The following PHEX variants were observed in gnomAD, a reference collection of about 807,000 sequenced individuals.
PHEX encodes phosphate-regulating neutral endopeptidase PHEX.
Under a neutral mutation model 68.0 loss-of-function variants are expected in PHEX, and 16 were observed. The observed-to-expected ratio is 0.24, with a 90% CI of 0.16 to 0.36. PHEX has a LOEUF of 0.36. Among genes scored for constraint, PHEX ranks in the 10% least tolerant of loss-of-function variants. The probability of loss-of-function intolerance (pLI) is 1.00; values close to 1 mark genes in which losing one functional copy is unlikely to be tolerated. For synonymous variants in PHEX, 208 were observed against 205.1 expected (o/e 1.01, Z -0.12); for missense variants, 480 against 575.5 (o/e 0.83, Z 1.70).
intron 3 of PHEX, among the ~76,000 whole-genome samples, chrX:22,074,377 A>G (rs754686280): frequency 9.1e-6 from 1 of 110,160 alleles, no homozygotes; most frequent in Non-Finnish European, 1.9e-5. Flanking sequence ...TACAGAAACC[A>G]GAATTTTGAC....
chrX:22,153,634 A>C (rs1250728436), intron 12 of PHEX, among the ~76,000 whole-genome samples: 1 of 111,428 alleles, frequency 9.0e-6, no homozygotes, highest in Non-Finnish European at 1.9e-5. Context: ...ACTTGGAAAT[A>C]AAATCTGCAA....
intron 14 of PHEX, among the ~76,000 whole-genome samples, chrX:22,190,187 T>C (rs778654184): frequency 8.9e-6 from 1 of 112,496 alleles, no homozygotes; most frequent in Non-Finnish European, 1.9e-5. Context: ...GTGTGCTGAC[T>C]TTTTTTCTGT....
chrX:22,149,982 C>T (rs777766714), intron 12 of PHEX, among the ~76,000 whole-genome samples: 19 of 111,137 alleles, frequency 1.7e-4, no homozygotes, highest in Non-Finnish European at 3.2e-4. Context: ...TCCCCAAGCC[C>T]CCCTCATCAC....
chrX:22,074,783 T>C (rs749315232), intron 3 of PHEX, among the ~76,000 whole-genome samples: 1 of 111,720 alleles, frequency 9.0e-6, no homozygotes, highest in Non-Finnish European at 1.9e-5. Context: ...TAAAAAATCC[T>C]TGGGGACCTG....
In PHEX at chrX:22,032,983, G is replaced by A. The variant is rs758504261; in HGVS notation, c.-23G>A. On this transcript the variant is annotated 5_prime_UTR_variant, in exon 1 of 22. In the 5' UTR this introduces an upstream ATG that the reference lacks. Transcript: ENST00000379374. ...AACCACGAAAAGTGACTTTCTTCTCGTGTGCTCTCTACGGCCCTTCTGATG... is the reference window on the plus strand; with the variant it reads ...AACCACGAAAAGTGACTTTCTTCTCATGTGCTCTCTACGGCCCTTCTGATG... 2.7e-6 allele frequency: 3 copies of A among 1,129,213 alleles called. No homozygotes were observed. The highest frequency in any genetic ancestry group is 3.6e-5 in the South Asian group (2 of 55,201). The allele number at this position is 1,129,213 out of a possible 1,213,427, so 93.1% of individuals were successfully genotyped here.
At chrX:22,083,654 G>T (rs764598829) in intron 5 of PHEX, among the ~76,000 whole-genome samples, 1 of 111,545 alleles carries the variant, frequency 9.0e-6, no homozygotes, top group Admixed American at 9.5e-5. Context: ...CAGATTATTT[G>T]CTTTTGGTGT....
chrX:22,062,797 G>A (rs934013653), intron 3 of PHEX, among the ~76,000 whole-genome samples: 1 of 111,321 alleles, frequency 9.0e-6, no homozygotes, highest in East Asian at 2.8e-4. Context: ...GTCTTGCTCT[G>A]TTGCCCAGGC....
chrX:22,224,969 A>ATTTATTATCATACAGCGCTGTATGG (rs1935413024), intron 18 of PHEX, among the ~76,000 whole-genome samples: 1 of 113,282 alleles, frequency 8.8e-6, no homozygotes, highest in Non-Finnish European at 1.9e-5. Context: ...GCGCTGTATG[A>ATTTATTATCATACAGCGCTGTATGG]TTTATTATCA....
chrX:22,138,246 T>G (rs1932314257), intron 12 of PHEX, among the ~76,000 whole-genome samples: 1 of 112,639 alleles, frequency 8.9e-6, no homozygotes. Flanking sequence ...AACAGCACAT[T>G]TCACCGAGTC....
Position 22,080,827 on chromosome X carries a change from C to A in PHEX, c.663+3125C>A, listed in dbSNP as rs111937598. 4.9e-3 allele frequency among the ~76,000 whole-genome samples: 548 copies of A among 111,633 alleles called. 1 individual carries two copies. The highest frequency in any genetic ancestry group is 0.017 in the African/African-American group (518 of 30,751). ...TATCCTCGTGCAAATTACTTCACCT[C>A]GCTGATTTCACTTTTCCCATGTGTA... On this transcript the variant is annotated intron_variant, in intron 5 of 21. Transcript: ENST00000379374.
intron 11 of PHEX, among the ~76,000 whole-genome samples, chrX:22,130,210 T>C (rs1427047223): frequency 9.0e-6 from 1 of 111,671 alleles, no homozygotes. Context: ...GTGAACGTGA[T>C]GGGCCAGCCA....
chrX:22,086,113 C>T (rs546361078), intron 5 of PHEX, among the ~76,000 whole-genome samples: 2 of 112,036 alleles, frequency 1.8e-5, no homozygotes, highest in Admixed American at 1.9e-4. Flanking sequence ...GATCAGAGCA[C>T]TCCCAGTCCA....
intron 3 of PHEX, among the ~76,000 whole-genome samples, chrX:22,070,251 C>T (rs1014174732): frequency 9.0e-6 from 1 of 111,664 alleles, no homozygotes; most frequent in African/African-American, 3.3e-5. Flanking sequence ...TTTGGTTTTC[C>T]AGAGTTTTAA....
intron 1 of PHEX, among the ~76,000 whole-genome samples, chrX:22,037,210 A>G (rs1295381368): frequency 9.0e-6 from 1 of 111,463 alleles, no homozygotes; most frequent in Non-Finnish European, 1.9e-5. Flanking sequence ...AGCAGAGAAA[A>G]AGAACAAAGG....
At chrX:22,223,742 C>CACAA (rs747800211) in intron 18 of PHEX, among the ~76,000 whole-genome samples, 4 of 112,677 alleles carry the variant, frequency 3.5e-5, no homozygotes, top group Admixed American at 9.3e-5. Flanking sequence ...TCTCAAAACA[C>CACAA]ACAAACACAC....
chrX:22,065,429 A>AT (rs963757422), intron 3 of PHEX, among the ~76,000 whole-genome samples: 32 of 107,599 alleles, frequency 3.0e-4, no homozygotes, highest in Admixed American at 1.7e-3. Flanking sequence ...AGGCTCAAGC[A>AT]TTTTTTTTTT....
chrX:22,243,329 C>G (rs1276627849), intron 20 of PHEX, among the ~76,000 whole-genome samples: 2 of 111,986 alleles, frequency 1.8e-5, no homozygotes, highest in Non-Finnish European at 3.8e-5. Context: ...CATAAAAATC[C>G]TAGAAGAAAA....
chrX:22,156,843 C>T (rs953945989), intron 12 of PHEX, among the ~76,000 whole-genome samples: 1 of 110,551 alleles, frequency 9.0e-6, no homozygotes, highest in Non-Finnish European at 1.9e-5. Flanking sequence ...TATGATTTGG[C>T]CACTCTTCTG....
intron 1 of PHEX, among the ~76,000 whole-genome samples, chrX:22,034,667 A>T (rs774605689): frequency 1.8e-5 from 2 of 111,932 alleles, no homozygotes; most frequent in African/African-American, 6.5e-5. Flanking sequence ...TTAGAGAATA[A>T]GGGCAAACTG....
Sources: allele counts gnomAD v4.1 joint callset (sites outside exome capture counted in the v4.1 genomes callset), GRCh38; gene constraint gnomAD v4.1.1; transcripts MANE v1.5; gene names NCBI Gene and HGNC (gene_info 2026-07-23, HGNC 2026-07-21).